The following GALNTL5 variants were observed in gnomAD, a reference collection of about 807,000 sequenced individuals.
GALNTL5 encodes the protein inactive polypeptide N-acetylgalactosaminyltransferase-like protein 5.
In GALNTL5, 44 loss-of-function variants were observed where a neutral mutation model predicts 51.0. The observed-to-expected ratio is 0.86, with a 90% CI of 0.68 to 1.11. GALNTL5 has a LOEUF of 1.11. GALNTL5 is among the 50% of genes least tolerant of loss of function. The pLI, the probability that GALNTL5 is intolerant of heterozygous loss-of-function variation, is 0.00. For synonymous variants in GALNTL5, 192 were observed against 182.8 expected (o/e 1.05, Z -0.41); for missense variants, 528 against 531.8 (o/e 0.99, Z 0.07).
chr7:151,967,223 A>G lies in GALNTL5; in HGVS notation c.-24A>G, dbSNP rs2081071341. ...TCTGATTTAGGAAATTGAAAAATGG[A>G]CCTTTGAAAATGCTAGATTTACAAT... On this transcript the variant is annotated 5_prime_UTR_variant, in exon 2 of 9. Coordinates refer to ENST00000392800, the MANE Select transcript of GALNTL5 (RefSeq NM_145292.4). The G allele has an allele frequency of 6.3e-7, 1 of 1,598,552 alleles. No individual in the cohort carries two copies. The highest frequency in any genetic ancestry group is 1.1e-5 in the South Asian group (1 of 89,530).
intron 5 of GALNTL5, among the ~76,000 whole-genome samples, chr7:151,998,139 T>C (rs556550497): frequency 3.1e-4 from 47 of 152,118 alleles, no homozygotes; most frequent in African/African-American, 1.1e-3. Context: ...AGTCCAGGAG[T>C]TGGAGGTTAT....
At chr7:152,004,246 T>C (rs2081615264) in intron 6 of GALNTL5, among the ~76,000 whole-genome samples, 1 of 151,546 alleles carries the variant, frequency 6.6e-6, no homozygotes, top group South Asian at 2.1e-4. Flanking sequence ...ACTTCTCATG[T>C]GTTAAATTAA....
intron 7 of GALNTL5, among the ~76,000 whole-genome samples, chr7:152,012,128 A>T (rs1373316369): frequency 6.6e-6 from 1 of 152,146 alleles, no homozygotes; most frequent in East Asian, 1.9e-4. Flanking sequence ...GCACATTTAT[A>T]CCTCTGCATG....
chr7:151,989,980 G>A (rs1359405316), intron 5 of GALNTL5, among the ~76,000 whole-genome samples: 4 of 152,080 alleles, frequency 2.6e-5, no homozygotes, highest in Non-Finnish European at 4.4e-5. Flanking sequence ...TGAGAATATC[G>A]GTCCTCAGGC....
At chr7:151,997,740 A>G (rs2081518017) in intron 5 of GALNTL5, among the ~76,000 whole-genome samples, 1 of 152,218 alleles carries the variant, frequency 6.6e-6, no homozygotes, top group African/African-American at 2.4e-5. Flanking sequence ...TGTATACAGT[A>G]AAGAGATACC....
chr7:151,993,233 CAAAA>C (rs750087044), intron 5 of GALNTL5, among the ~76,000 whole-genome samples: 5 of 88,418 alleles, frequency 5.7e-5, no homozygotes, highest in African/African-American at 7.7e-5. Context: ...GACCATGTCT[CAAAA>C]AAAAAAAAAA....
intron 8 of GALNTL5, among the ~76,000 whole-genome samples, chr7:152,015,986 C>G (rs10232678): frequency 0.36 from 54,526 of 151,992 alleles, 10,076 homozygotes; most frequent in Middle Eastern, 0.39. Flanking sequence ...GTTTCTCTAA[C>G]TGAAAAAAAC....
Position 151,967,487 on chromosome 7 carries a change from A to G in GALNTL5, c.241A>G (p.Met81Val), listed in dbSNP as rs1295333847. 1 of 1,610,888 alleles carries G rather than the reference A, an allele frequency of 6.2e-7. No individual in the cohort carries two copies. Among genetic ancestry groups the G allele is most frequent in the African/African-American group, 1.3e-5 (1 of 74,726 alleles). Reference protein sequence around the residue: ...KRTDEDKAKSMLGTDFNHTNP... With the variant: ...KRTDEDKAKSVLGTDFNHTNP... ...GACTGATGAAGATAAAGCAAAGTCT[A>G]TGTTAGGTAAGTATTTGGATTTTTT... Residue 81 changes from methionine (M) to valine (V), a missense_variant, in exon 2 of 9, where the codon ATG becomes GTG. Coordinates refer to ENST00000392800, the MANE Select transcript of GALNTL5 (RefSeq NM_145292.4).
At chr7:152,004,731 A>G (rs2081622461) in intron 6 of GALNTL5, among the ~76,000 whole-genome samples, 1 of 152,212 alleles carries the variant, frequency 6.6e-6, no homozygotes, top group Non-Finnish European at 1.5e-5. Flanking sequence ...GGATTGTTTC[A>G]CTTAAGATAA....
intron 6 of GALNTL5, among the ~76,000 whole-genome samples, chr7:152,006,122 G>A (rs927641130): frequency 1.3e-5 from 2 of 151,788 alleles, no homozygotes; most frequent in African/African-American, 2.4e-5. Context: ...CAGGAAATCT[G>A]GTTCCCTGGA....
chr7:152,018,322 G>A (rs1212201199), intron 8 of GALNTL5, among the ~76,000 whole-genome samples: 4 of 152,156 alleles, frequency 2.6e-5, no homozygotes, highest in African/African-American at 7.2e-5. Flanking sequence ...AAATGTATAC[G>A]AAAGTGCCTG....
intron 1 of GALNTL5, among the ~76,000 whole-genome samples, chr7:151,965,572 T>C (rs930471735): frequency 3.3e-5 from 5 of 152,098 alleles, no homozygotes; most frequent in Non-Finnish European, 1.5e-5. Flanking sequence ...AGAGCTTAAT[T>C]AAAAAATCAG....
intron 1 of GALNTL5, among the ~76,000 whole-genome samples, chr7:151,962,122 C>G (rs1371942197): frequency 6.6e-5 from 10 of 151,764 alleles, no homozygotes; most frequent in African/African-American, 1.9e-4. Flanking sequence ...CCTGCCTCAG[C>G]CTCCTGAGTA....
At chr7:151,978,108 T>C (rs1586818291) in intron 3 of GALNTL5, among the ~76,000 whole-genome samples, 1 of 152,310 alleles carries the variant, frequency 6.6e-6, no homozygotes, top group African/African-American at 2.4e-5. Context: ...ATAAGGTTAG[T>C]TTGATTATTT....
chr7:152,018,399 C>T (rs992829285), intron 8 of GALNTL5, among the ~76,000 whole-genome samples: 5 of 152,026 alleles, frequency 3.3e-5, no homozygotes, highest in African/African-American at 1.2e-4. Context: ...TAAAAAACAT[C>T]TCATTGTTTA....
At chr7:151,970,239 T>C (rs2081118221) in intron 2 of GALNTL5, among the ~76,000 whole-genome samples, 1 of 152,262 alleles carries the variant, frequency 6.6e-6, no homozygotes, top group African/African-American at 2.4e-5. Context: ...TACATTCTGC[T>C]TCTTTATCTC....
chr7:151,958,896 G>A (rs186127189), intron 1 of GALNTL5, among the ~76,000 whole-genome samples: 91 of 152,314 alleles, frequency 6.0e-4, no homozygotes, highest in Non-Finnish European at 1.0e-3. Flanking sequence ...CTGTGTGAGA[G>A]GGGGCTCAAA....
intron 5 of GALNTL5, among the ~76,000 whole-genome samples, chr7:151,993,603 C>T (rs1400107112): frequency 1.3e-5 from 2 of 152,104 alleles, no homozygotes; most frequent in East Asian, 3.9e-4. Flanking sequence ...CAGTTTTTCA[C>T]AATGTCTATG....
chr7:151,999,949 T>C (rs927157048), intron 5 of GALNTL5, among the ~76,000 whole-genome samples: 9 of 152,284 alleles, frequency 5.9e-5, no homozygotes, highest in African/African-American at 2.2e-4. Flanking sequence ...CTCAGCCAGA[T>C]TGAGTCATGT....
Sources: allele counts gnomAD v4.1 joint callset (sites outside exome capture counted in the v4.1 genomes callset), GRCh38; gene constraint gnomAD v4.1.1; transcripts MANE v1.5; gene names NCBI Gene and HGNC (gene_info 2026-07-23, HGNC 2026-07-21).